Variants in GALNTL6 observed in about 807,000 individuals in gnomAD.
The protein encoded by GALNTL6 is polypeptide N-acetylgalactosaminyltransferase-like 6.
In GALNTL6, 46 loss-of-function variants were observed where a neutral mutation model predicts 73.7. That is an observed-to-expected ratio of 0.62 (90% CI 0.49 to 0.80). The LOEUF (loss-of-function observed/expected upper bound fraction) is 0.80, where lower values mean the gene tolerates loss of function less well. Among genes scored for constraint, GALNTL6 ranks in the 30% least tolerant of loss-of-function variants. The pLI is 0.00. For missense variants in GALNTL6, 604 were observed against 755.0 expected (o/e 0.80, Z 2.34); for synonymous variants, 259 against 263.7 (o/e 0.98, Z 0.17).
chr4:172,216,576 T>A (rs1736504345), intron 2 of GALNTL6, among the ~76,000 whole-genome samples: 1 of 152,216 alleles, frequency 6.6e-6, no homozygotes, highest in Non-Finnish European at 1.5e-5. Flanking sequence ...TTCTCTGTTT[T>A]TCTTGGATCT....
intron 5 of GALNTL6, among the ~76,000 whole-genome samples, chr4:172,562,158 TG>T (rs764435216): frequency 6.6e-6 from 1 of 152,164 alleles, no homozygotes; most frequent in South Asian, 2.1e-4. Flanking sequence ...ACCTCTCCTC[TG>T]GTGTTCTAAC....
At chr4:171,919,237 T>C (rs1737713337) in intron 2 of GALNTL6, among the ~76,000 whole-genome samples, 1 of 152,108 alleles carries the variant, frequency 6.6e-6, no homozygotes, top group Admixed American at 6.6e-5. Context: ...CCAAGCAGCC[T>C]TCTTAAATGA....
intron 2 of GALNTL6, among the ~76,000 whole-genome samples, chr4:172,202,992 G>T (rs1280272605): frequency 1.3e-5 from 2 of 152,164 alleles, no homozygotes; most frequent in African/African-American, 4.8e-5. Context: ...ATTACAGATA[G>T]TATAGTTTAC....
At chr4:172,602,440 A>G (rs1199105825) in intron 5 of GALNTL6, among the ~76,000 whole-genome samples, 2 of 152,184 alleles carry the variant, frequency 1.3e-5, no homozygotes, top group Non-Finnish European at 2.9e-5. Flanking sequence ...AAGTGAAAAT[A>G]TACTGTTATA....
At chr4:172,824,310 G>A (rs1169830725) in intron 7 of GALNTL6, among the ~76,000 whole-genome samples, 1 of 151,936 alleles carries the variant, frequency 6.6e-6, no homozygotes, top group Non-Finnish European at 1.5e-5. Flanking sequence ...CACAGAGAAA[G>A]AACAGAGTTG....
At chr4:171,857,671 G>T (rs1381910920) in intron 2 of GALNTL6, among the ~76,000 whole-genome samples, 3 of 152,136 alleles carry the variant, frequency 2.0e-5, no homozygotes, top group African/African-American at 7.2e-5. Context: ...TTTTTGTAAG[G>T]TTATAGAAGT....
intron 5 of GALNTL6, among the ~76,000 whole-genome samples, chr4:172,394,670 G>A (rs912727391): frequency 1.3e-5 from 2 of 152,012 alleles, no homozygotes; most frequent in Non-Finnish European, 2.9e-5. Context: ...GACCTCAGGT[G>A]ATCCACCTGC....
At chr4:171,949,130 T>G (rs1738791051) in intron 2 of GALNTL6, among the ~76,000 whole-genome samples, 1 of 151,994 alleles carries the variant, frequency 6.6e-6, no homozygotes. Context: ...CACATGAACT[T>G]GAGTTTTTTA....
intron 9 of GALNTL6, among the ~76,000 whole-genome samples, chr4:172,950,678 G>T (rs1301308301): frequency 6.6e-6 from 1 of 152,168 alleles, no homozygotes; most frequent in Non-Finnish European, 1.5e-5. Context: ...ATAGTTCCAG[G>T]CCTGAATTAG....
chr4:172,419,226 GA>G (rs1730959693), intron 5 of GALNTL6, among the ~76,000 whole-genome samples: 4 of 152,156 alleles, frequency 2.6e-5, no homozygotes, highest in Admixed American at 2.6e-4. Flanking sequence ...ACATCCTGTT[GA>G]TTAAAGACCA....
At chr4:172,634,531 G>T (rs994554818) in intron 5 of GALNTL6, among the ~76,000 whole-genome samples, 3 of 151,870 alleles carry the variant, frequency 2.0e-5, no homozygotes, top group African/African-American at 4.8e-5. Flanking sequence ...TTCTTAGCCT[G>T]GGTCCCTATA....
chr4:172,591,703 C>T (rs1348054349), intron 5 of GALNTL6, among the ~76,000 whole-genome samples: 6 of 152,118 alleles, frequency 3.9e-5, no homozygotes, highest in Non-Finnish European at 7.4e-5. Flanking sequence ...GAACTGATGC[C>T]GCTTCTGTCT....
chr4:173,005,134 T>C (rs1752216852), intron 10 of GALNTL6, among the ~76,000 whole-genome samples: 1 of 152,184 alleles, frequency 6.6e-6, no homozygotes, highest in Non-Finnish European at 1.5e-5. Flanking sequence ...TGACTTCCCT[T>C]GCAGACCTAA....
chr4:172,213,729 A>G (rs1289779099), intron 2 of GALNTL6, among the ~76,000 whole-genome samples: 1 of 152,122 alleles, frequency 6.6e-6, no homozygotes, highest in African/African-American at 2.4e-5. Context: ...ATTTTTTAAA[A>G]TGGAATTTTT....
At chr4:172,595,049 G>A (rs1174052749) in intron 5 of GALNTL6, among the ~76,000 whole-genome samples, 1 of 152,176 alleles carries the variant, frequency 6.6e-6, no homozygotes, top group African/African-American at 2.4e-5. Flanking sequence ...AGAAGAAGAG[G>A]AGTAGAGAAC....
intron 3 of GALNTL6, among the ~76,000 whole-genome samples, chr4:172,257,976 C>T (rs1738139808): frequency 6.6e-6 from 1 of 151,252 alleles, no homozygotes; most frequent in African/African-American, 2.4e-5. Flanking sequence ...ACCACCACTA[C>T]CCTAACCCCA....
intron 5 of GALNTL6, among the ~76,000 whole-genome samples, chr4:172,586,344 A>T (rs962707329): frequency 1.3e-5 from 2 of 152,208 alleles, no homozygotes; most frequent in Admixed American, 1.3e-4. Context: ...TGTAAAACCT[A>T]CAGAAGGGAT....
intron 4 of GALNTL6, among the ~76,000 whole-genome samples, chr4:172,341,475 A>G (rs1022816392): frequency 1.2e-4 from 16 of 131,666 alleles, no homozygotes; most frequent in South Asian, 2.6e-4. Flanking sequence ...AAAAAAAAAA[A>G]AATGTAGTTG....
At chr4:172,816,960 A>T (rs938710836) in intron 7 of GALNTL6, among the ~76,000 whole-genome samples, 3 of 151,984 alleles carry the variant, frequency 2.0e-5, no homozygotes, top group Non-Finnish European at 2.9e-5. Flanking sequence ...TACAACAATT[A>T]GCCGGGCATG....
Sources: allele counts gnomAD v4.1 joint callset (sites outside exome capture counted in the v4.1 genomes callset), GRCh38; gene constraint gnomAD v4.1.1; transcripts MANE v1.5; gene names NCBI Gene and HGNC (gene_info 2026-07-23, HGNC 2026-07-21).